PCDHAC1: variants seen among roughly 807,000 people sequenced by gnomAD.
PCDHAC1 encodes the protein protocadherin alpha-C1.
Under a neutral mutation model 60.0 loss-of-function variants are expected in PCDHAC1, and 42 were observed. The observed-to-expected ratio is 0.70, with a 90% CI of 0.55 to 0.90. The LOEUF (loss-of-function observed/expected upper bound fraction) is 0.90. Among genes scored for constraint, PCDHAC1 ranks in the 40% least tolerant of loss-of-function variants. The probability of loss-of-function intolerance (pLI) is 0.00; values close to 1 mark genes in which losing one functional copy is unlikely to be tolerated. For missense variants in PCDHAC1, 1,160 were observed against 1,222.3 expected, an observed-to-expected ratio of 0.95 and a Z score of 0.76; for synonymous variants, 468 against 499.3, an observed-to-expected ratio of 0.94 and a Z score of 0.84.
intron 3 of PCDHAC1, among the ~76,000 whole-genome samples, chr5:140,987,826 G>T (rs1481540038): frequency 6.6e-6 from 1 of 152,014 alleles, no homozygotes; most frequent in Non-Finnish European, 1.5e-5. Flanking sequence ...TTTCCTTAGG[G>T]GATTGCTTTT....
intron 3 of PCDHAC1, among the ~76,000 whole-genome samples, chr5:141,008,500 A>C (rs2098379990): frequency 6.6e-6 from 1 of 152,072 alleles, no homozygotes; most frequent in African/African-American, 2.4e-5. Context: ...GGTATACTTT[A>C]TGGTGTGTCT....
At chr5:140,987,452 A>C (rs1430622755) in intron 3 of PCDHAC1, among the ~76,000 whole-genome samples, 2 of 152,076 alleles carry the variant, frequency 1.3e-5, no homozygotes, top group Non-Finnish European at 2.9e-5. Context: ...CCCGAGAGAT[A>C]ATTGTTAAGA....
chr5:140,968,029 G>A, intron 1 of PCDHAC1: 1 of 1,614,170 alleles, frequency 6.2e-7, no homozygotes, highest in Non-Finnish European at 8.5e-7. Context: ...CCTATACACT[G>A]GTGGTGAGCG....
intron 1 of PCDHAC1, among the ~76,000 whole-genome samples, chr5:140,952,160 G>C (rs952147312): frequency 6.6e-6 from 1 of 152,044 alleles, no homozygotes; most frequent in Non-Finnish European, 1.5e-5. Flanking sequence ...GGCTTTGTGG[G>C]GTTCAGTTCC....
At chr5:140,997,206 T>A (rs2097763489) in intron 3 of PCDHAC1, among the ~76,000 whole-genome samples, 1 of 152,118 alleles carries the variant, frequency 6.6e-6, no homozygotes, top group Non-Finnish European at 1.5e-5. Context: ...ATTGACATCA[T>A]TATTGAAACT....
chr5:140,990,304 A>C (rs114506238), intron 3 of PCDHAC1, among the ~76,000 whole-genome samples: 1 of 152,168 alleles, frequency 6.6e-6, no homozygotes, highest in African/African-American at 2.4e-5. Context: ...CATTGTCTGT[A>C]AAAAACCAAC....
chr5:140,974,322 G>A (rs11743888), intron 1 of PCDHAC1, among the ~76,000 whole-genome samples: 7,497 of 152,260 alleles, frequency 0.049, 207 homozygotes, highest in Middle Eastern at 0.068. Flanking sequence ...GAGAGTAGCT[G>A]CTGTGCTAGC....
chr5:140,969,863 C>A (rs1305470999), intron 1 of PCDHAC1, among the ~76,000 whole-genome samples: 1 of 152,156 alleles, frequency 6.6e-6, no homozygotes, highest in Non-Finnish European at 1.5e-5. Context: ...CTGGTACTTG[C>A]ACTGAACCTA....
intron 3 of PCDHAC1, among the ~76,000 whole-genome samples, chr5:140,996,163 A>G (rs183777507): frequency 4.8e-4 from 73 of 152,326 alleles, no homozygotes; most frequent in African/African-American, 1.5e-3. Flanking sequence ...TTATACTGCA[A>G]TGTGCTGACA....
chr5:140,941,347 T>C (rs246069), intron 1 of PCDHAC1, among the ~76,000 whole-genome samples: 97,460 of 130,222 alleles, frequency 0.75, 37,726 homozygotes, highest in African/African-American at 0.94. Context: ...GATGGAGTCT[T>C]GCTCTGTTGC....
At chr5:140,951,523 G>A (rs868992487) in intron 1 of PCDHAC1, among the ~76,000 whole-genome samples, 1 of 151,994 alleles carries the variant, frequency 6.6e-6, no homozygotes, top group Non-Finnish European at 1.5e-5. Context: ...ATCTTACATG[G>A]CCGGTGCAGG....
At chr5:140,933,220 T>G (rs1179526168) in intron 1 of PCDHAC1, among the ~76,000 whole-genome samples, 3 of 151,968 alleles carry the variant, frequency 2.0e-5, no homozygotes, top group African/African-American at 7.2e-5. Flanking sequence ...TCTGTTATAT[T>G]GCATTTATGA....
At position 140,942,948 on chromosome 5, in the gene PCDHAC1, C is replaced by T. The variant is rs534534050; in HGVS notation, c.2433+13623C>T. 1.4e-4 allele frequency among the ~76,000 whole-genome samples: 22 copies of T among 151,804 alleles called. No individual in the cohort carries two copies. The South Asian group carries it at 4.0e-3, about 27-fold the overall frequency. On this transcript the variant is annotated intron_variant, in intron 1 of 3. Transcript: ENST00000253807. ...ATTGAAAAAGAGTTTAAAGTGTAGA[C>T]GTTCTGTTATCAGAATTAAATTTTG... is the stretch of plus-strand genomic sequence containing the variant.
chr5:140,955,846 T>G (rs1256650141), intron 1 of PCDHAC1, among the ~76,000 whole-genome samples: 1 of 152,218 alleles, frequency 6.6e-6, no homozygotes, highest in African/African-American at 2.4e-5. Context: ...GTCATTCTCC[T>G]TGAAGAGGTC....
At chr5:140,983,104 T>C (rs907787884) in intron 3 of PCDHAC1, among the ~76,000 whole-genome samples, 3 of 152,234 alleles carry the variant, frequency 2.0e-5, no homozygotes, top group Admixed American at 1.3e-4. Flanking sequence ...TGCTTCTCTC[T>C]GCACATCAAC....
rs1554231789 is a variant in PCDHAC1 at position 140,969,430 on chromosome 5, A to G, written c.2434-9519A>G. ...CTTTATTGAGTCATTAACAGTGACAAGAGTTATCTGGTAAACTGAGTATAT... is the reference window on the plus strand; with the variant it reads ...CTTTATTGAGTCATTAACAGTGACAGGAGTTATCTGGTAAACTGAGTATAT... On this transcript the variant is annotated intron_variant, in intron 1 of 3. Transcript: ENST00000253807. The G allele has an allele frequency of 1.2e-5, 19 of 1,554,588 alleles. 1 individual carries two copies. The Admixed American group carries it at 3.5e-4, about 29-fold the overall frequency.
chr5:140,997,719 C>T (rs1456038917), intron 3 of PCDHAC1, among the ~76,000 whole-genome samples: 1 of 150,932 alleles, frequency 6.6e-6, no homozygotes, highest in East Asian at 1.9e-4. Context: ...CACCTTTCTA[C>T]GTCAGTACAT....
chr5:141,009,239 G>T (rs1416549332), intron 3 of PCDHAC1, among the ~76,000 whole-genome samples: 2 of 152,186 alleles, frequency 1.3e-5, no homozygotes, highest in Admixed American at 1.3e-4. Context: ...AGGATCTCTT[G>T]AGCTTCAGTG....
At chr5:140,958,400 A>G (rs1236102640) in intron 1 of PCDHAC1, among the ~76,000 whole-genome samples, 1 of 152,196 alleles carries the variant, frequency 6.6e-6, no homozygotes, top group African/African-American at 2.4e-5. Context: ...ATCAAACATT[A>G]TCACTGATGC....
Sources: allele counts gnomAD v4.1 joint callset (sites outside exome capture counted in the v4.1 genomes callset), GRCh38; gene constraint gnomAD v4.1.1; transcripts MANE v1.5; gene names NCBI Gene and HGNC (gene_info 2026-07-23, HGNC 2026-07-21).